Variants in TMEM74 observed in about 807,000 individuals in gnomAD.
TMEM74 encodes the protein transmembrane protein 74.
Under a neutral mutation model 18.1 loss-of-function variants are expected in TMEM74, and 13 were observed. The ratio of observed to expected loss-of-function variants is 0.72; its 90% CI spans 0.47 to 1.14. The LOEUF is 1.14. TMEM74 is among the 50% of genes most tolerant of loss of function. TMEM74 has a pLI of 0.00. For missense variants in TMEM74, 372 were observed against 375.9 expected (o/e 0.99, Z 0.09); for synonymous variants, 159 against 146.6 (o/e 1.08, Z -0.61).
chr8:108,735,675 C>T (rs1008727764), intron 1 of TMEM74, among the ~76,000 whole-genome samples: 3 of 152,146 alleles, frequency 2.0e-5, no homozygotes, highest in East Asian at 1.9e-4. Context: ...TAAACATTCA[C>T]GTACAAGTTT....
chr8:108,614,034 G>A (rs1586233972), intron 2 of TMEM74, among the ~76,000 whole-genome samples: 1 of 136,518 alleles, frequency 7.3e-6, no homozygotes, highest in African/African-American at 2.8e-5. Flanking sequence ...ATTTTCATAA[G>A]GTTTTTTTTT....
chr8:108,747,270 G>T (rs1048144539), intron 1 of TMEM74, among the ~76,000 whole-genome samples: 5 of 152,066 alleles, frequency 3.3e-5, no homozygotes, highest in African/African-American at 9.7e-5. Flanking sequence ...CACATCTGGT[G>T]CCAGAAGTGT....
chr8:108,776,285 G>C (rs1185124503), downstream of TMEM74, among the ~76,000 whole-genome samples: 1 of 152,236 alleles, frequency 6.6e-6, no homozygotes, highest in Admixed American at 6.5e-5. Context: ...TTGAGGTAAG[G>C]AGGTTGAGAC....
At chr8:108,712,535 A>G (rs932186418) in intron 1 of TMEM74, among the ~76,000 whole-genome samples, 1 of 152,102 alleles carries the variant, frequency 6.6e-6, no homozygotes, top group African/African-American at 2.4e-5. Context: ...TGTCCTCCTC[A>G]TACTGCTCGA....
intron 1 of TMEM74, among the ~76,000 whole-genome samples, chr8:108,688,434 C>T (rs3019418): frequency 0.73 from 111,777 of 152,118 alleles, 41,768 homozygotes; most frequent in East Asian, 0.99. Context: ...CCCAATCATA[C>T]TCCCAGGCAG....
chr8:108,778,286 T>C (rs542905914), downstream of TMEM74, among the ~76,000 whole-genome samples: 1 of 152,312 alleles, frequency 6.6e-6, no homozygotes, highest in East Asian at 1.9e-4. Flanking sequence ...TAAATACATG[T>C]TGACCTGGTG....
At chr8:108,756,282 G>T (rs1813958612) in intron 1 of TMEM74, among the ~76,000 whole-genome samples, 1 of 151,890 alleles carries the variant, frequency 6.6e-6, no homozygotes, top group African/African-American at 2.4e-5. Context: ...CAAAGTATCT[G>T]ATTCTACAGA....
At chr8:108,718,729 T>C (rs1252409852) in intron 1 of TMEM74, among the ~76,000 whole-genome samples, 2 of 152,166 alleles carry the variant, frequency 1.3e-5, no homozygotes, top group Admixed American at 6.5e-5. Context: ...TTTATATTCT[T>C]ATGAACCTTT....
chr8:108,688,069 T>C lies in TMEM74; in HGVS notation n.120-32632A>G, dbSNP rs555380726. 2.0e-5 allele frequency among the ~76,000 whole-genome samples: 3 copies of C among 152,340 alleles called. No homozygotes were observed. In the East Asian group the frequency reaches 5.8e-4, roughly 29 times the overall value. On this transcript the variant is annotated intron_variant and non_coding_transcript_variant, in intron 1 of 3. Transcript: ENST00000518838. ...TTCAAAATGTGCTTAAGTTCATTAG[T>C]ATTGAGGTGAATTCAAATCGAAGTA...
intron 1 of TMEM74, among the ~76,000 whole-genome samples, chr8:108,708,803 C>T (rs1211791486): frequency 5.2e-5 from 1 of 19,416 alleles, no homozygotes; most frequent in Non-Finnish European, 7.5e-5. Flanking sequence ...TTCTACAACT[C>T]AATAGCAAAA....
At chr8:108,712,672 A>C (rs1031300327) in intron 1 of TMEM74, among the ~76,000 whole-genome samples, 3 of 151,616 alleles carry the variant, frequency 2.0e-5, no homozygotes, top group African/African-American at 7.3e-5. Flanking sequence ...GCTTCCTGGT[A>C]CACCTTGATT....
intron 1 of TMEM74, among the ~76,000 whole-genome samples, chr8:108,786,439 T>C (rs1035194859): frequency 2.0e-5 from 3 of 152,002 alleles, no homozygotes; most frequent in African/African-American, 4.8e-5. Context: ...AATCCACAGC[T>C]CCAAAGCTGG....
At chr8:108,645,938 T>C (rs1812712902) in intron 2 of TMEM74, among the ~76,000 whole-genome samples, 1 of 152,184 alleles carries the variant, frequency 6.6e-6, no homozygotes, top group Non-Finnish European at 1.5e-5. Context: ...GGTTGAATTG[T>C]AATGAATAAG....
At chr8:108,739,777 G>A (rs1225913891) in intron 1 of TMEM74, among the ~76,000 whole-genome samples, 1 of 152,066 alleles carries the variant, frequency 6.6e-6, no homozygotes, top group African/African-American at 2.4e-5. Context: ...CTTGGGGACT[G>A]GGAGCCTCTC....
intron 1 of TMEM74, among the ~76,000 whole-genome samples, chr8:108,693,592 CT>C: frequency 6.6e-6 from 1 of 152,232 alleles, no homozygotes; most frequent in East Asian, 1.9e-4. Context: ...CTACTGACAT[CT>C]AATTGTTGGC....
intron 1 of TMEM74, among the ~76,000 whole-genome samples, chr8:108,723,725 T>C (rs1813607823): frequency 6.6e-6 from 1 of 152,014 alleles, no homozygotes; most frequent in African/African-American, 2.4e-5. Flanking sequence ...AGATGGTACA[T>C]TCAACACCAA....
At chr8:108,670,781 C>T (rs1411045499) in intron 1 of TMEM74, among the ~76,000 whole-genome samples, 1 of 151,808 alleles carries the variant, frequency 6.6e-6, no homozygotes, top group African/African-American at 2.4e-5. Context: ...TAGGACCCAG[C>T]AATGAATTTT....
intron 1 of TMEM74, among the ~76,000 whole-genome samples, chr8:108,756,497 C>T (rs544469646): frequency 7.1e-6 from 1 of 141,780 alleles, no homozygotes; most frequent in South Asian, 2.2e-4. Flanking sequence ...TCCTTTATAA[C>T]CTAAGATGCA....
chr8:108,716,868 A>G (rs899900397), intron 1 of TMEM74, among the ~76,000 whole-genome samples: 3 of 151,860 alleles, frequency 2.0e-5, no homozygotes, highest in African/African-American at 7.2e-5. Context: ...CAGAATATAT[A>G]TAAACAGAGA....
Sources: gnomAD v4.1 joint callset for allele counts (sites outside exome capture counted in the v4.1 genomes callset) on GRCh38, gnomAD v4.1.1 for gene constraint, MANE v1.5 for transcripts, NCBI Gene and HGNC (gene_info 2026-07-23, HGNC 2026-07-21) for gene names.